NRG1: variants seen among roughly 807,000 people sequenced by gnomAD.
NRG1 encodes the protein neuregulin 1.
NRG1 carries 18 observed loss-of-function variants against 63.8 expected under a neutral mutation model. The ratio of observed to expected loss-of-function variants is 0.28; its 90% CI spans 0.19 to 0.42. The LOEUF (loss-of-function observed/expected upper bound fraction) is 0.42. Ranked by LOEUF, NRG1 falls within the 10% of genes least tolerant of loss-of-function variation. The pLI is 1.00. For synonymous variants in NRG1, 302 were observed against 301.3 expected (o/e 1.00, Z -0.02); for missense variants, 762 against 814.7 (o/e 0.94, Z 0.79).
intron 1 of NRG1, among the ~76,000 whole-genome samples, chr8:31,668,610 C>T (rs1806793261): frequency 6.6e-6 from 1 of 152,132 alleles, no homozygotes; most frequent in Admixed American, 6.5e-5. Context: ...TTTGGAATTG[C>T]TTGAATGCTG....
intron 1 of NRG1, among the ~76,000 whole-genome samples, chr8:32,206,651 T>G (rs1456071080): frequency 1.3e-5 from 2 of 152,194 alleles, no homozygotes; most frequent in Non-Finnish European, 2.9e-5. Context: ...TTATTAATTT[T>G]TATAGATTTA....
intron 1 of NRG1, among the ~76,000 whole-genome samples, chr8:31,895,214 A>G (rs1207169172): frequency 6.6e-6 from 1 of 152,118 alleles, no homozygotes; most frequent in Admixed American, 6.5e-5. Flanking sequence ...TGGTATCTGT[A>G]TTTTCATTTT....
intron 1 of NRG1, among the ~76,000 whole-genome samples, chr8:32,414,608 T>G (rs1815597069): frequency 6.6e-6 from 1 of 152,160 alleles, no homozygotes; most frequent in Admixed American, 6.5e-5. Flanking sequence ...AGTATTTTAC[T>G]TTTGAAACCA....
chr8:31,644,805 A>C (rs545031807), intron 1 of NRG1, among the ~76,000 whole-genome samples: 1 of 151,858 alleles, frequency 6.6e-6, no homozygotes, highest in African/African-American at 2.4e-5. Flanking sequence ...ATATCCAAAG[A>C]TCTCTAAATC....
At chr8:32,760,579 T>A in intron 11 of NRG1, 173 bp downstream of exon 11, 25 of 1,422,918 alleles carry the variant, frequency 1.8e-5, no homozygotes, top group South Asian at 1.0e-4. Context: ...CGGAACTTAT[T>A]TCTTCTGAGC....
At chr8:31,726,150 G>A (rs1483849858) in intron 1 of NRG1, among the ~76,000 whole-genome samples, 3 of 151,858 alleles carry the variant, frequency 2.0e-5, no homozygotes. Flanking sequence ...AAAAAAAGGG[G>A]AAAAAAGAAA....
At chr8:31,654,895 T>G (rs1387790136) in intron 1 of NRG1, among the ~76,000 whole-genome samples, 1 of 152,212 alleles carries the variant, frequency 6.6e-6, no homozygotes, top group Non-Finnish European at 1.5e-5. Context: ...GAGCTATGAT[T>G]GCATCACTGC....
rs1339652242 is a variant in NRG1, at chr8:32,269,321, T to C, written c.38-326507T>C. Among the ~76,000 whole-genome samples, 5 of 152,296 alleles carry C rather than the reference T, an allele frequency of 3.3e-5. No individual in the cohort carries two copies. The South Asian group carries it at 8.3e-4, about 25-fold the overall frequency. ...ATAGGCTGATCAGTGCTAGAAATAATAGGATAGTTTTAAATTCTAGCAATT... is the reference window on the plus strand; with the variant it reads ...ATAGGCTGATCAGTGCTAGAAATAACAGGATAGTTTTAAATTCTAGCAATT... On this transcript the variant is annotated intron_variant, in intron 1 of 10. Transcript: ENST00000519301.
chr8:32,019,330 C>A (rs907666495), intron 1 of NRG1, among the ~76,000 whole-genome samples: 2 of 152,184 alleles, frequency 1.3e-5, no homozygotes, highest in Non-Finnish European at 2.9e-5. Flanking sequence ...AATCTCCTGA[C>A]ATCATGATCT....
intron 1 of NRG1, among the ~76,000 whole-genome samples, chr8:31,713,368 G>A (rs375336933): frequency 1.5e-4 from 23 of 151,946 alleles, no homozygotes; most frequent in African/African-American, 4.6e-4. Flanking sequence ...CGCCGGCCTC[G>A]GCCTCCCAAA....
At chr8:32,154,852 ATAC>A (rs747396067) in intron 1 of NRG1, among the ~76,000 whole-genome samples, 1 of 152,214 alleles carries the variant, frequency 6.6e-6, no homozygotes, top group Non-Finnish European at 1.5e-5. Flanking sequence ...TCCAGCAAGG[ATAC>A]TTGGATGTTG....
chr8:32,223,271 T>TGG (rs1846008291), intron 1 of NRG1, among the ~76,000 whole-genome samples: 1 of 152,258 alleles, frequency 6.6e-6, no homozygotes, highest in Non-Finnish European at 1.5e-5. Context: ...TGGAAATTAC[T>TGG]GTGCAGCTGC....
intron 2 of NRG1, among the ~76,000 whole-genome samples, chr8:32,601,935 G>T (rs1033660582): frequency 6.6e-6 from 1 of 152,118 alleles, no homozygotes; most frequent in Non-Finnish European, 1.5e-5. Context: ...TAATAAGCAT[G>T]TGGCTAATTA....
At chr8:32,307,589 T>TGTGTGTGTGTG (rs1563296243) in intron 1 of NRG1, among the ~76,000 whole-genome samples, 8 of 93,478 alleles carry the variant, frequency 8.6e-5, no homozygotes, top group Non-Finnish European at 1.1e-4. Flanking sequence ...ACCCAGGGGT[T>TGTGTGTGTGTG]TGTGTGTGTG....
intron 1 of NRG1, among the ~76,000 whole-genome samples, chr8:32,203,143 G>A (rs374584788): frequency 2.6e-4 from 38 of 145,222 alleles, no homozygotes; most frequent in African/African-American, 8.3e-4. Context: ...ACGCAGCCCT[G>A]ATGTCAGATG....
intron 1 of NRG1, among the ~76,000 whole-genome samples, chr8:31,694,561 G>T (rs991074034): frequency 5.3e-5 from 8 of 152,102 alleles, no homozygotes; most frequent in Admixed American, 2.0e-4. Context: ...AGGCCAATGA[G>T]GAGGCAATCA....
chr8:32,310,097 T>C (rs555768365), intron 1 of NRG1, among the ~76,000 whole-genome samples: 80 of 152,264 alleles, frequency 5.3e-4, no homozygotes, highest in African/African-American at 1.8e-3. Flanking sequence ...CTGCTATGAA[T>C]CACCATTTTC....
intron 1 of NRG1, among the ~76,000 whole-genome samples, chr8:31,804,738 G>A (rs1298877175): frequency 6.6e-6 from 1 of 152,050 alleles, no homozygotes; most frequent in Non-Finnish European, 1.5e-5. Flanking sequence ...CCAAGCAATC[G>A]GATGAGGCAC....
chr8:32,088,400 ATAT>A (rs1353624915), intron 1 of NRG1, among the ~76,000 whole-genome samples: 1 of 152,184 alleles, frequency 6.6e-6, no homozygotes, highest in East Asian at 1.9e-4. Context: ...GCTTTTCGAA[ATAT>A]TGTAACTGGT....
Sources: gnomAD v4.1 joint callset for allele counts (sites outside exome capture counted in the v4.1 genomes callset) on GRCh38, gnomAD v4.1.1 for gene constraint, MANE v1.5 for transcripts, NCBI Gene and HGNC (gene_info 2026-07-23, HGNC 2026-07-21) for gene names.